The following TAF1B variants were observed in gnomAD, a reference collection of about 807,000 sequenced individuals.
TAF1B encodes the protein TATA-box binding protein associated factor, RNA polymerase I subunit B.
TAF1B carries 61 observed loss-of-function variants against 83.9 expected under a neutral mutation model. The observed-to-expected ratio is 0.73, with a 90% CI of 0.59 to 0.90. The LOEUF (loss-of-function observed/expected upper bound fraction) is 0.90. Ranked by LOEUF, TAF1B falls within the 40% of genes least tolerant of loss-of-function variation. The pLI is 0.00. For synonymous variants in TAF1B, 221 were observed against 224.6 expected, an observed-to-expected ratio of 0.98 and a Z score of 0.14; for missense variants, 625 against 677.0, an observed-to-expected ratio of 0.92 and a Z score of 0.85.
At chr2:9,869,604 A>G (rs1183584519) in intron 6 of TAF1B, among the ~76,000 whole-genome samples, 3 of 151,798 alleles carry the variant, frequency 2.0e-5, no homozygotes, top group Non-Finnish European at 4.4e-5. Context: ...GGCCGGGCGT[A>G]GTGGCTCACA....
intron 8 of TAF1B, 121 bp from the exon 9 acceptor site, chr2:9,904,738 A>G (rs1018479279): frequency 9.2e-6 from 9 of 976,452 alleles, no homozygotes; most frequent in Non-Finnish European, 1.3e-5. Flanking sequence ...TTTCTGCACA[A>G]CTTCACCAGC....
At chr2:9,912,143 A>G (rs1362118724) in intron 11 of TAF1B, among the ~76,000 whole-genome samples, 1 of 152,186 alleles carries the variant, frequency 6.6e-6, no homozygotes, top group Non-Finnish European at 1.5e-5. Context: ...TCCCTATTAG[A>G]TTGCCAATAT....
chr2:9,919,235 A>T (rs1029022580), intron 13 of TAF1B, 124 bp downstream of exon 13: 1 of 743,924 alleles, frequency 1.3e-6, no homozygotes, highest in African/African-American at 1.8e-5. Context: ...TCCAGGGCAC[A>T]TGTACATCCA....
At chr2:9,874,172 A>G (rs909836456) in intron 6 of TAF1B, among the ~76,000 whole-genome samples, 7 of 152,154 alleles carry the variant, frequency 4.6e-5, no homozygotes, top group African/African-American at 1.7e-4. Context: ...AGATTTACGT[A>G]GAAACTATAT....
chr2:9,916,687 TA>T (rs1317764710), intron 12 of TAF1B, among the ~76,000 whole-genome samples: 1 of 152,176 alleles, frequency 6.6e-6, no homozygotes, highest in African/African-American at 2.4e-5. Context: ...TCATTTACCA[TA>T]ACATTAAATG....
chr2:9,894,059 GTA>G (rs1230288928), intron 8 of TAF1B, among the ~76,000 whole-genome samples: 1 of 151,666 alleles, frequency 6.6e-6, no homozygotes, highest in Non-Finnish European at 1.5e-5. Flanking sequence ...TGATTTGTTT[GTA>G]TATGTCTTAC....
intron 1 of TAF1B, among the ~76,000 whole-genome samples, chr2:9,844,070 G>C (rs1260450731): frequency 1.3e-5 from 2 of 152,188 alleles, no homozygotes; most frequent in African/African-American, 4.8e-5. Flanking sequence ...TTAGTACGGG[G>C]TCACTGAACA....
chr2:9,868,199 G>A, intron 5 of TAF1B, 77 bp from the exon 6 acceptor site: 2 of 1,428,048 alleles, frequency 1.4e-6, no homozygotes, highest in Non-Finnish European at 1.9e-6. Context: ...GTTTGTGATA[G>A]GAGTTGTTTA....
At chr2:9,885,535 G>A (rs547483278) in intron 8 of TAF1B, among the ~76,000 whole-genome samples, 1 of 152,188 alleles carries the variant, frequency 6.6e-6, no homozygotes, top group Non-Finnish European at 1.5e-5. Flanking sequence ...CAACTTGAGT[G>A]GGAGCAATTC....
chr2:9,873,389 C>A (rs1664227648), intron 6 of TAF1B, among the ~76,000 whole-genome samples: 1 of 152,146 alleles, frequency 6.6e-6, no homozygotes, highest in Admixed American at 6.5e-5. Flanking sequence ...AGGGTCATTC[C>A]TAGTCCTGCT....
chr2:9,891,721 T>C (rs1664879486), intron 8 of TAF1B, among the ~76,000 whole-genome samples: 1 of 152,126 alleles, frequency 6.6e-6, no homozygotes, highest in African/African-American at 2.4e-5. Flanking sequence ...TATGTTTGTG[T>C]TTTAGTTTTT....
chr2:9,889,601 T>TGACTG (rs1177826361), intron 8 of TAF1B, among the ~76,000 whole-genome samples: 4 of 152,306 alleles, frequency 2.6e-5, no homozygotes, highest in Non-Finnish European at 5.9e-5. Context: ...TGGTTATGTA[T>TGACTG]CATATTTTCC....
intron 6 of TAF1B, among the ~76,000 whole-genome samples, chr2:9,875,620 C>T (rs1201506610): frequency 6.6e-6 from 1 of 152,034 alleles, no homozygotes; most frequent in African/African-American, 2.4e-5. Flanking sequence ...TATCAGATCT[C>T]GTGAGATGTA....
At chr2:9,865,551 A>G (rs1205569144) in intron 5 of TAF1B, among the ~76,000 whole-genome samples, 1 of 152,230 alleles carries the variant, frequency 6.6e-6, no homozygotes, top group African/African-American at 2.4e-5. Context: ...ATCCCCATCA[A>G]GCTACCAATG....
intron 8 of TAF1B, among the ~76,000 whole-genome samples, chr2:9,894,701 G>A (rs1485846099): frequency 6.6e-6 from 1 of 151,918 alleles, no homozygotes; most frequent in Non-Finnish European, 1.5e-5. Flanking sequence ...GTATACCTGG[G>A]GCTTCCCTCA....
At chr2:9,903,006 A>T (rs938158223) in intron 8 of TAF1B, among the ~76,000 whole-genome samples, 3 of 152,054 alleles carry the variant, frequency 2.0e-5, no homozygotes, top group African/African-American at 7.2e-5. Context: ...TTTATTTCTG[A>T]GATTATCTTA....
At position 9,919,795 on chromosome 2, in the gene TAF1B, C is replaced by T. The variant is rs780939522; in HGVS notation, c.1540C>T (p.Leu514Phe). ...SLLTKNSLYWLSTQKFCRCYC... is the reference protein window; with the variant it reads ...SLLTKNSLYWFSTQKFCRCYC... Reference sequence around the variant, plus strand: ...GCTGACTAAGAATTCATTATATTGGCTTAGTACACAGAAATTCTGCAGATG... The same window carrying T: ...GCTGACTAAGAATTCATTATATTGGTTTAGTACACAGAAATTCTGCAGATG... Residue 514 changes from leucine (L) to phenylalanine (F), a missense_variant, in exon 14 of 15, where the codon CTT becomes TTT. Coordinates refer to ENST00000263663, the MANE Select transcript of TAF1B (RefSeq NM_005680.3). The T allele has an allele frequency of 1.9e-6, 3 of 1,613,968 alleles. No individual in the cohort carries two copies. The highest frequency in any genetic ancestry group is 2.2e-5 in the South Asian group (2 of 91,046).
At chr2:9,858,354 C>T (rs1663632219) in intron 5 of TAF1B, among the ~76,000 whole-genome samples, 1 of 152,222 alleles carries the variant, frequency 6.6e-6, no homozygotes, top group Non-Finnish European at 1.5e-5. Context: ...AGCTTTGCTC[C>T]TATGGCTCTG....
intron 4 of TAF1B, among the ~76,000 whole-genome samples, chr2:9,853,241 C>T (rs1663457486): frequency 6.6e-6 from 1 of 152,146 alleles, no homozygotes; most frequent in Admixed American, 6.6e-5. Flanking sequence ...ACTGTTTAGA[C>T]CTGATCAGTT....
Sources: gnomAD v4.1 joint callset for allele counts (sites outside exome capture counted in the v4.1 genomes callset) on GRCh38, gnomAD v4.1.1 for gene constraint, MANE v1.5 for transcripts, NCBI Gene and HGNC (gene_info 2026-07-23, HGNC 2026-07-21) for gene names.